MAP3K2: variants seen among roughly 807,000 people sequenced by gnomAD.
MAP3K2 encodes the protein mitogen-activated protein kinase kinase kinase 2, also known as MAP/ERK kinase kinase 2.
Under a neutral mutation model 80.3 loss-of-function variants are expected in MAP3K2, and 24 were observed. The ratio of observed to expected loss-of-function variants is 0.30; its 90% CI spans 0.22 to 0.42. The LOEUF is 0.42. Among genes scored for constraint, MAP3K2 ranks in the 10% least tolerant of loss-of-function variants. The pLI, the probability that MAP3K2 is intolerant of heterozygous loss-of-function variation, is 1.00. For synonymous variants in MAP3K2, 244 were observed against 253.7 expected (o/e 0.96, Z 0.36); for missense variants, 608 against 750.1 (o/e 0.81, Z 2.21).
At chr2:127,309,556 TATC>T (rs1685771895) in intron 15 of MAP3K2, among the ~76,000 whole-genome samples, 1 of 152,120 alleles carries the variant, frequency 6.6e-6, no homozygotes, top group Admixed American at 6.5e-5. Flanking sequence ...TTTTCCCTAA[TATC>T]ATTTTTCTGG....
chr2:127,371,068 T>C (rs552924342), intron 1 of MAP3K2, among the ~76,000 whole-genome samples: 1 of 152,310 alleles, frequency 6.6e-6, no homozygotes, highest in South Asian at 2.1e-4. Context: ...TTTTAATGCT[T>C]ATAAAAAGCT....
At chr2:127,359,981 C>T (rs1013563965) in intron 1 of MAP3K2, among the ~76,000 whole-genome samples, 2 of 152,104 alleles carry the variant, frequency 1.3e-5, no homozygotes, top group African/African-American at 4.8e-5. Context: ...GACTAATACA[C>T]CTACCATATG....
At position 127,303,066 on chromosome 2, in the gene MAP3K2, C is replaced by CAG. The variant is rs1685628546; in HGVS notation, c.*4511_*4512dup. 6.6e-6 allele frequency: 1 copy of CAG among 151,898 alleles called. No homozygotes were observed. Among genetic ancestry groups the CAG allele is most frequent in the Non-Finnish European group, 1.5e-5 (1 of 67,980 alleles). 9.4% of individuals were successfully genotyped at this position (151,898 alleles called of 1,614,324 possible). On this transcript the variant is annotated 3_prime_UTR_variant, in exon 17 of 17. Coordinates refer to ENST00000682094, the MANE Select transcript of MAP3K2 (RefSeq NM_001371910.2). The stretch of plus-strand genomic sequence containing the variant: ...TAATATAAAATAAAATTAAGGCATA[C>CAG]AGAGAAAAGGCACTACTAAAAATTA...
rs1168074995 is a variant in MAP3K2, at chr2:127,321,387, T to C, written c.1045+659A>G. Among the ~76,000 whole-genome samples, 2 of 152,160 alleles carry C rather than the reference T, an allele frequency of 1.3e-5. No individual in the cohort carries two copies. The highest frequency in any genetic ancestry group is 1.5e-5 in the Non-Finnish European group (1 of 68,026). On this transcript the variant is annotated intron_variant, in intron 12 of 16. Coordinates refer to ENST00000682094, the MANE Select transcript of MAP3K2 (RefSeq NM_001371910.2). This position sits in a 1 kb window ranked among gnomAD's most constrained non-coding sequence, Gnocchi z 4.4. ...GTCTAAAGCAAAAATAACAGCAATATAGCATGGGGTCAATATGGATATAAA... is the reference window on the plus strand; with the variant it reads ...GTCTAAAGCAAAAATAACAGCAATACAGCATGGGGTCAATATGGATATAAA...
rs545053780 is a variant in MAP3K2 at position 127,349,928 on chromosome 2, G to T, written c.-65-6734C>A. Among the ~76,000 whole-genome samples the T allele has an allele frequency of 1.6e-4, 24 of 152,218 alleles. No individual in the cohort carries two copies. In the South Asian group the frequency reaches 4.6e-3, roughly 29 times the overall value. ...CTTGCACTGTCACCCAGGCTGATGT[G>T]CAGTGGTACTATCACAGCTCACTGC... On this transcript the variant is annotated intron_variant, in intron 1 of 16. Coordinates refer to ENST00000682094, the MANE Select transcript of MAP3K2 (RefSeq NM_001371910.2).
intron 1 of MAP3K2, among the ~76,000 whole-genome samples, chr2:127,368,648 T>C (rs1456966115): frequency 1.3e-5 from 2 of 152,074 alleles, no homozygotes; most frequent in East Asian, 3.9e-4. Flanking sequence ...TAAATAAAAA[T>C]AAAAAGGCAA....
rs151228603 is a variant in MAP3K2, at chr2:127,334,833, C to T, written c.264+1037G>A. Among the ~76,000 whole-genome samples, 154 of 150,534 alleles carry T rather than the reference C, an allele frequency of 1.0e-3. 1 individual carries two copies. Among genetic ancestry groups the T allele is most frequent in the Non-Finnish European group, 1.6e-3 (108 of 67,826 alleles). On this transcript the variant is annotated intron_variant, in intron 5 of 16. Transcript: ENST00000682094. ...GTCACCAGGCTGGAGTGTAGTGACGCGGTATCAGCTCATTGCAACCTCTGC... is the reference window on the plus strand; with the variant it reads ...GTCACCAGGCTGGAGTGTAGTGACGTGGTATCAGCTCATTGCAACCTCTGC...
intron 1 of MAP3K2, among the ~76,000 whole-genome samples, chr2:127,358,877 C>T (rs1435120948): frequency 6.6e-6 from 1 of 150,962 alleles, no homozygotes; most frequent in African/African-American, 2.4e-5. Flanking sequence ...TGCAGTGAGC[C>T]AAGATTCCAC....
chr2:127,361,070 T>C (rs1004477198), intron 1 of MAP3K2, among the ~76,000 whole-genome samples: 1 of 151,926 alleles, frequency 6.6e-6, no homozygotes, highest in Non-Finnish European at 1.5e-5. Context: ...TCCCAGCACT[T>C]TGGGAGGCAA....
At chr2:127,324,371 G>T in intron 9 of MAP3K2, 130 bp from the exon 10 acceptor site, 1 of 526,420 alleles carries the variant, frequency 1.9e-6, no homozygotes, top group East Asian at 3.2e-5. Context: ...CACTTTGAAA[G>T]GTTAGCATAC....
At chr2:127,378,202 G>A (rs1344835572) in intron 1 of MAP3K2, 4 of 975,136 alleles carry the variant, frequency 4.1e-6, no homozygotes, top group Admixed American at 6.2e-5. Flanking sequence ...AAAACCAAAG[G>A]TACAAATTTT....
intron 8 of MAP3K2, among the ~76,000 whole-genome samples, chr2:127,326,125 A>G (rs1384856579): frequency 6.6e-6 from 1 of 152,100 alleles, no homozygotes; most frequent in Non-Finnish European, 1.5e-5. Flanking sequence ...AAAAGCTACA[A>G]TATTTCACAC....
chr2:127,383,955 G>A (rs1687298685), intron 1 of MAP3K2, among the ~76,000 whole-genome samples: 1 of 149,446 alleles, frequency 6.7e-6, no homozygotes, highest in Non-Finnish European at 1.5e-5. Flanking sequence ...CTCACCGCAA[G>A]CTCCACCTCC....
rs766483288 is a variant in MAP3K2 at position 127,322,169 on chromosome 2, A to C, written c.922T>G (p.Leu308Val). 7 of 1,613,970 alleles carry C rather than the reference A, an allele frequency of 4.3e-6. No homozygotes were observed. Among genetic ancestry groups the C allele is most frequent in the Non-Finnish European group, 5.1e-6 (6 of 1,179,832 alleles). ...ATACTGCTTCCACTACTAGTGCTTA[A>C]GGAATGATCAGTAGGACTGAAACTC... ...PVSFSPTDHS[L>V]STSSGSSIFT... Residue 308 changes from leucine to valine, a missense_variant, in exon 12 of 17, where the codon TTA becomes GTA. Leu to Val is a conservative substitution (Grantham distance 32, BLOSUM62 1). This residue lies in a region of MAP3K2 where 467 missense variants were observed against 521.9 expected (regional missense o/e 0.89). Coordinates refer to ENST00000682094, the MANE Select transcript of MAP3K2 (RefSeq NM_001371910.2). This position sits in a 1 kb window ranked among gnomAD's most constrained non-coding sequence, Gnocchi z 4.2.
At chr2:127,324,480 C>G (rs1330793930) in intron 9 of MAP3K2, among the ~76,000 whole-genome samples, 4 of 152,182 alleles carry the variant, frequency 2.6e-5, no homozygotes, top group African/African-American at 9.7e-5. Context: ...ATTTTGGAAT[C>G]ATTAGGTGTT....
chr2:127,311,468 C>T (rs1028966726), intron 15 of MAP3K2, among the ~76,000 whole-genome samples: 4 of 152,142 alleles, frequency 2.6e-5, no homozygotes, highest in Non-Finnish European at 5.9e-5. Context: ...GAGGAGAAAA[C>T]GGGTAGCCAG....
intron 7 of MAP3K2, among the ~76,000 whole-genome samples, chr2:127,329,449 C>A (rs559223795): frequency 6.6e-6 from 1 of 151,956 alleles, no homozygotes; most frequent in Non-Finnish European, 1.5e-5. Context: ...CTCCGCCTCC[C>A]GGGTTCAAGC....
At chr2:127,319,998 T>A (rs150084357) in intron 12 of MAP3K2, among the ~76,000 whole-genome samples, 1 of 152,262 alleles carries the variant, frequency 6.6e-6, no homozygotes, top group East Asian at 1.9e-4. Flanking sequence ...CTAGACTGAT[T>A]GACTTAGCTC....
At position 127,306,158 on chromosome 2, in the gene MAP3K2, T is replaced by C. The variant is rs752206311; in HGVS notation, c.*1421A>G. 1 of 152,172 alleles carries C rather than the reference T, an allele frequency of 6.6e-6. No homozygotes were observed. Among genetic ancestry groups the C allele is most frequent in the African/African-American group, 2.4e-5 (1 of 41,458 alleles). 9.4% of individuals were successfully genotyped at this position (152,172 alleles called of 1,614,324 possible). On this transcript the variant is annotated 3_prime_UTR_variant, in exon 17 of 17. Transcript: ENST00000682094. This position sits in a 1 kb window ranked among gnomAD's most constrained non-coding sequence, Gnocchi z 4.7. ...GATCTTGTAAAATCCTCAATTTGCATTACATCACTTTCTCTTTGCGACTTC... is the reference window on the plus strand; with the variant it reads ...GATCTTGTAAAATCCTCAATTTGCACTACATCACTTTCTCTTTGCGACTTC...
Sources: gnomAD v4.1 joint callset for allele counts (sites outside exome capture counted in the v4.1 genomes callset) on GRCh38, gnomAD v4.1.1 for gene constraint, gnomAD v4.1.1 regional missense constraint, Gnocchi (gnomAD v3.1) non-coding constraint, MANE v1.5 for transcripts, NCBI Gene and HGNC (gene_info 2026-07-23, HGNC 2026-07-21) for gene names.